The following MEGF10 variants were observed in gnomAD, a reference collection of about 807,000 sequenced individuals.
MEGF10 encodes the protein multiple epidermal growth factor-like domains protein 10.
A neutral mutation model predicts 147.5 loss-of-function variants in MEGF10; 86 were observed. That is an observed-to-expected ratio of 0.58 (90% CI 0.49 to 0.70). The LOEUF (loss-of-function observed/expected upper bound fraction) is 0.70, where lower values mean the gene tolerates loss of function less well. Among genes scored for constraint, MEGF10 ranks in the 30% least tolerant of loss-of-function variants. MEGF10 has a pLI of 0.00. For missense variants in MEGF10, 1,329 were observed against 1,487.3 expected, an observed-to-expected ratio of 0.89 and a Z score of 1.75; for synonymous variants, 478 against 525.5, an observed-to-expected ratio of 0.91 and a Z score of 1.24.
chr5:127,310,035 C>CT (rs1554089055), intron 1 of MEGF10, among the ~76,000 whole-genome samples: 948 of 22,848 alleles, frequency 0.041, 93 homozygotes, highest in African/African-American at 0.051. Flanking sequence ...TCTTTCTTTC[C>CT]TTCTTTCTTT....
At chr5:127,380,760 G>T (rs534133403) in intron 5 of MEGF10, among the ~76,000 whole-genome samples, 1 of 151,890 alleles carries the variant, frequency 6.6e-6, no homozygotes, top group Non-Finnish European at 1.5e-5. Flanking sequence ...CTCATGATTC[G>T]CCCGCCTCGG....
chr5:127,365,517 T>C (rs1261468275), intron 4 of MEGF10, among the ~76,000 whole-genome samples: 1 of 152,228 alleles, frequency 6.6e-6, no homozygotes, highest in Admixed American at 6.5e-5. Flanking sequence ...TTAGAGAAGA[T>C]TCCAGGGTCA....
At chr5:127,279,169 A>G in the MEGF10 span, among the ~76,000 whole-genome samples, 1 of 152,146 alleles carries the variant, frequency 6.6e-6, no homozygotes, top group Non-Finnish European at 1.5e-5. Context: ...GAGGGAGGCA[A>G]AGACTTAAAA....
chr5:127,323,120 A>G lies in MEGF10; in HGVS notation c.-18-8171A>G, dbSNP rs148191564. ...TAAAATAAAAAGTTTAAAAAATTAA[A>G]TTGTTATTTATTACTGATCAGGGAT... On this transcript the variant is annotated intron_variant, in intron 1 of 24. Transcript: ENST00000503335. 2.1e-3 allele frequency among the ~76,000 whole-genome samples: 321 copies of G among 152,306 alleles called. 1 individual carries two copies. The highest frequency in any genetic ancestry group is 7.4e-3 in the African/African-American group (308 of 41,568).
chr5:127,303,439 G>T (rs1487890444), intron 1 of MEGF10, among the ~76,000 whole-genome samples: 3 of 151,800 alleles, frequency 2.0e-5, no homozygotes, highest in African/African-American at 7.3e-5. Context: ...AATTCACCAG[G>T]CAGTAGATAG....
intron 4 of MEGF10, among the ~76,000 whole-genome samples, chr5:127,355,539 T>G (rs552277804): frequency 7.9e-5 from 12 of 152,306 alleles, no homozygotes; most frequent in African/African-American, 2.9e-4. Context: ...CCGACGTGGT[T>G]CAGAGGAACC....
intron 4 of MEGF10, among the ~76,000 whole-genome samples, chr5:127,347,975 G>A (rs560797697): frequency 2.2e-4 from 33 of 152,178 alleles, no homozygotes; most frequent in African/African-American, 7.7e-4. Context: ...AGACTTGCAT[G>A]TACAGTATTA....
intron 5 of MEGF10, among the ~76,000 whole-genome samples, chr5:127,388,560 T>TA: frequency 7.0e-6 from 1 of 142,742 alleles, no homozygotes; most frequent in African/African-American, 2.6e-5. Flanking sequence ...TTTATTTATT[T>TA]TTTGAGGCAG....
intron 9 of MEGF10, among the ~76,000 whole-genome samples, chr5:127,412,903 C>G (rs1016037453): frequency 1.3e-5 from 2 of 152,162 alleles, no homozygotes; most frequent in African/African-American, 4.8e-5. Flanking sequence ...ATGGGGCTGA[C>G]TGAGCCACAC....
intron 4 of MEGF10, among the ~76,000 whole-genome samples, chr5:127,359,422 A>G (rs964402644): frequency 2.0e-5 from 3 of 152,072 alleles, no homozygotes; most frequent in African/African-American, 7.2e-5. Context: ...TAAAAGGTAC[A>G]ATTTGATAAA....
the MEGF10 span, among the ~76,000 whole-genome samples, chr5:127,247,425 GA>G: frequency 7.9e-5 from 7 of 89,158 alleles, no homozygotes; most frequent in African/African-American, 3.5e-4. Context: ...AGAAGAAGAA[GA>G]AGAAGAAGAA....
upstream of MEGF10, among the ~76,000 whole-genome samples, chr5:127,287,171 C>A (rs747651296): frequency 1.6e-4 from 24 of 151,844 alleles, no homozygotes; most frequent in East Asian, 3.8e-4. Flanking sequence ...ATGAAACTTA[C>A]AACTAACATC....
At chr5:127,269,211 G>T in the MEGF10 span, among the ~76,000 whole-genome samples, 235 of 152,346 alleles carry the variant, frequency 1.5e-3, no homozygotes, top group African/African-American at 5.4e-3. Flanking sequence ...GCAGCTCCTC[G>T]CCAGCAATGG....
intron 12 of MEGF10, 24 bp downstream of exon 12, chr5:127,420,231 C>G (rs139326185): frequency 2.9e-5 from 47 of 1,608,000 alleles, no homozygotes; most frequent in Admixed American, 5.1e-5. Flanking sequence ...AGCGCCCTGA[C>G]GGAAAACGCC....
chr5:127,271,630 C>G, the MEGF10 span, among the ~76,000 whole-genome samples: 4 of 151,782 alleles, frequency 2.6e-5, no homozygotes, highest in African/African-American at 9.7e-5. Flanking sequence ...GGGTGGCCAC[C>G]CCCCATGCTG....
chr5:127,322,558 C>T (rs1234619700), intron 1 of MEGF10, among the ~76,000 whole-genome samples: 3 of 152,184 alleles, frequency 2.0e-5, no homozygotes, highest in African/African-American at 7.2e-5. Context: ...TTACATTGCC[C>T]AGTCATTACC....
At chr5:127,299,625 C>G (rs571899466) in intron 1 of MEGF10, among the ~76,000 whole-genome samples, 1 of 152,226 alleles carries the variant, frequency 6.6e-6, no homozygotes, top group African/African-American at 2.4e-5. Context: ...AGCCTGATTA[C>G]TCCCTTTATG....
intron 13 of MEGF10, among the ~76,000 whole-genome samples, chr5:127,427,020 C>T (rs775107735): frequency 1.6e-4 from 24 of 152,202 alleles, no homozygotes; most frequent in Non-Finnish European, 3.2e-4. Flanking sequence ...ATCCAGAAAG[C>T]AACTTTGATA....
chr5:127,353,614 C>T lies in MEGF10; in HGVS notation c.319+12984C>T, dbSNP rs571531219. On this transcript the variant is annotated intron_variant, in intron 4 of 24. Coordinates refer to ENST00000503335, the MANE Select transcript of MEGF10 (RefSeq NM_001256545.2). ...AATCGTGAATGGACAAAGGAGATGG[C>T]CAGGGGTCCCTTCTCCAGTCCAGCT... Among the ~76,000 whole-genome samples the T allele has an allele frequency of 2.0e-5, 3 of 152,328 alleles. No individual in the cohort carries two copies. In the East Asian group the frequency reaches 5.8e-4, roughly 29 times the overall value.
Sources: gnomAD v4.1 joint callset for allele counts (sites outside exome capture counted in the v4.1 genomes callset) on GRCh38, gnomAD v4.1.1 for gene constraint, MANE v1.5 for transcripts, NCBI Gene and HGNC (gene_info 2026-07-23, HGNC 2026-07-21) for gene names.